PKNOX2: variants seen among roughly 807,000 people sequenced by gnomAD.
The protein encoded by PKNOX2 is homeobox protein PKNOX2.
PKNOX2 carries 14 observed loss-of-function variants against 53.1 expected under a neutral mutation model. That is an observed-to-expected ratio of 0.26 (90% CI 0.17 to 0.41). The LOEUF is 0.41. Among genes scored for constraint, PKNOX2 ranks in the 10% least tolerant of loss-of-function variants. PKNOX2 has a pLI of 1.00. For missense variants in PKNOX2, 496 were observed against 602.8 expected, an observed-to-expected ratio of 0.82 and a Z score of 1.85; for synonymous variants, 257 against 242.8, an observed-to-expected ratio of 1.06 and a Z score of -0.54.
chr11:125,213,909 C>A (rs1330884686), intron 1 of PKNOX2, among the ~76,000 whole-genome samples: 3 of 152,076 alleles, frequency 2.0e-5, no homozygotes, highest in Non-Finnish European at 4.4e-5. Flanking sequence ...CTGCCTGTGC[C>A]ACCCCAACCT....
At chr11:125,312,209 G>T (rs1175697662) in intron 2 of PKNOX2, among the ~76,000 whole-genome samples, 1 of 152,152 alleles carries the variant, frequency 6.6e-6, no homozygotes, top group Non-Finnish European at 1.5e-5. Flanking sequence ...GCTGTGTGCG[G>T]GTAAGAAGGA....
At chr11:125,415,505 TG>T (rs1173651285) in intron 10 of PKNOX2, among the ~76,000 whole-genome samples, 1 of 152,156 alleles carries the variant, frequency 6.6e-6, no homozygotes, top group East Asian at 1.9e-4. Flanking sequence ...CACCTTGGCC[TG>T]CCATAGTGTA....
At chr11:125,405,036 A>T (rs1053304844) in intron 7 of PKNOX2, among the ~76,000 whole-genome samples, 1 of 152,176 alleles carries the variant, frequency 6.6e-6, no homozygotes, top group Non-Finnish European at 1.5e-5. Flanking sequence ...GAGCCGGTGG[A>T]TCAGCAGAGA....
chr11:125,366,466 C>T (rs1401401555), intron 4 of PKNOX2, among the ~76,000 whole-genome samples: 1 of 152,204 alleles, frequency 6.6e-6, no homozygotes, highest in Non-Finnish European at 1.5e-5. Flanking sequence ...TAGTGCCAGG[C>T]TATTCTGGGC....
At chr11:125,297,657 C>T (rs953621906) in intron 2 of PKNOX2, among the ~76,000 whole-genome samples, 1 of 152,210 alleles carries the variant, frequency 6.6e-6, no homozygotes, top group African/African-American at 2.4e-5. Context: ...ACCTTCCTCA[C>T]CAGCCTCATC....
At chr11:125,299,031 G>T (rs1260841863) in intron 2 of PKNOX2, among the ~76,000 whole-genome samples, 1 of 152,076 alleles carries the variant, frequency 6.6e-6, no homozygotes, top group African/African-American at 2.4e-5. Flanking sequence ...CAAGCATGGT[G>T]CCAGCATCTT....
intron 2 of PKNOX2, among the ~76,000 whole-genome samples, chr11:125,324,982 C>A (rs1949749659): frequency 6.6e-6 from 1 of 152,142 alleles, no homozygotes; most frequent in African/African-American, 2.4e-5. Context: ...CAGGGCCTTG[C>A]AGAGATGTTC....
intron 3 of PKNOX2, among the ~76,000 whole-genome samples, chr11:125,340,541 G>A (rs1053685896): frequency 1.3e-5 from 2 of 152,202 alleles, no homozygotes; most frequent in African/African-American, 4.8e-5. Flanking sequence ...CCATCTGGTT[G>A]TTAAGGAAAA....
At chr11:125,359,032 A>G (rs1200933766) in intron 4 of PKNOX2, among the ~76,000 whole-genome samples, 1 of 151,172 alleles carries the variant, frequency 6.6e-6, no homozygotes, top group African/African-American at 2.4e-5. Flanking sequence ...GGTGGGAGGC[A>G]GGTTGCAGGG....
rs75560603 is a variant in PKNOX2, at chr11:125,418,577, G to T, written c.936+6712G>T. 3.1e-3 allele frequency among the ~76,000 whole-genome samples: 471 copies of T among 152,134 alleles called. 16 individuals are homozygous for T. Among genetic ancestry groups the T allele is most frequent in the African/African-American group, 0.011 (435 of 41,382 alleles). The stretch of plus-strand genomic sequence containing the variant: ...GCACTGCACAGAGCTCCTGGCCAAG[G>T]AGGGCACGTGGAGGTGAAGCCCAGC... On this transcript the variant is annotated intron_variant, in intron 10 of 12. Transcript: ENST00000298282.
intron 1 of PKNOX2, among the ~76,000 whole-genome samples, chr11:125,229,017 T>C (rs143214454): frequency 6.6e-6 from 1 of 152,118 alleles, no homozygotes; most frequent in Non-Finnish European, 1.5e-5. Context: ...GAAACTGCAG[T>C]AAGACCTTTC....
At chr11:125,288,812 A>G (rs1364089574) in intron 2 of PKNOX2, among the ~76,000 whole-genome samples, 1 of 152,148 alleles carries the variant, frequency 6.6e-6, no homozygotes, top group South Asian at 2.1e-4. Context: ...CCCCCACTCA[A>G]CCCAGACCCC....
In PKNOX2 at chr11:125,432,218, C is replaced by G. The variant is rs1486629111; in HGVS notation, c.*826C>G. On this transcript the variant is annotated 3_prime_UTR_variant, in exon 13 of 13. Transcript: ENST00000298282. ...GGCCACAGCTGTCCCTAGGTGATCACAGAACTTAGCTCCTTTAACAACAGG... is the reference window on the plus strand; with the variant it reads ...GGCCACAGCTGTCCCTAGGTGATCAGAGAACTTAGCTCCTTTAACAACAGG... The G allele has an allele frequency of 6.6e-6, 1 of 151,934 alleles. No homozygotes were observed. Among genetic ancestry groups the G allele is most frequent in the Admixed American group, 6.6e-5 (1 of 15,170 alleles). 9.4% of individuals were successfully genotyped at this position (151,934 alleles called of 1,614,324 possible).
Position 125,354,690 on chromosome 11 carries a change from A to G in PKNOX2, c.87+3298A>G, listed in dbSNP as rs147406758. 6.6e-3 allele frequency among the ~76,000 whole-genome samples: 1,005 copies of G among 152,170 alleles called. 14 individuals carry two copies. The highest frequency in any genetic ancestry group is 0.023 in the African/African-American group (966 of 41,500). On this transcript the variant is annotated intron_variant, in intron 4 of 12. Transcript: ENST00000298282. ...CGGACCTTCTTTATAATAAATTAGA[A>G]TTTTTTTTCAAGGCGAGTTCTTAAC...
intron 1 of PKNOX2, among the ~76,000 whole-genome samples, chr11:125,224,050 C>A (rs2135516302): frequency 6.6e-6 from 1 of 152,388 alleles, no homozygotes; most frequent in African/African-American, 2.4e-5. Context: ...GCTCACACAG[C>A]TTTTCCCCTT....
At chr11:125,396,031 G>T (rs1954373801) in intron 6 of PKNOX2, among the ~76,000 whole-genome samples, 1 of 148,892 alleles carries the variant, frequency 6.7e-6, no homozygotes, top group Non-Finnish European at 1.5e-5. Context: ...TCGGCTCACT[G>T]TAACGTCCAC....
At chr11:125,169,251 G>A (rs1426882830) in intron 1 of PKNOX2, among the ~76,000 whole-genome samples, 2 of 152,200 alleles carry the variant, frequency 1.3e-5, no homozygotes, top group East Asian at 3.8e-4. Context: ...ACCACCGTTA[G>A]CCTGAGTCTA....
At chr11:125,239,540 T>G (rs1342882770) in intron 2 of PKNOX2, 2 of 152,242 alleles carry the variant, frequency 1.3e-5, no homozygotes, top group East Asian at 1.9e-4. Flanking sequence ...TTTTACCCCA[T>G]GTGAAACACT....
chr11:125,410,462 CT>C, intron 8 of PKNOX2, 137 bp downstream of exon 8: 1 of 1,262,522 alleles, frequency 7.9e-7, no homozygotes, highest in Non-Finnish European at 1.1e-6. Flanking sequence ...CTAAAGTTTT[CT>C]GTAAGTTTAT....
Sources: gnomAD v4.1 joint callset for allele counts (sites outside exome capture counted in the v4.1 genomes callset) on GRCh38, gnomAD v4.1.1 for gene constraint, MANE v1.5 for transcripts, NCBI Gene and HGNC (gene_info 2026-07-23, HGNC 2026-07-21) for gene names.